Variants in MYO9A observed in about 807,000 individuals in gnomAD.
MYO9A encodes unconventional myosin-IXa.
A neutral mutation model predicts 293.3 loss-of-function variants in MYO9A; 103 were observed. The observed-to-expected ratio is 0.35, with a 90% CI of 0.30 to 0.41. The LOEUF (loss-of-function observed/expected upper bound fraction) is 0.41, where lower values mean the gene tolerates loss of function less well. Among genes scored for constraint, MYO9A ranks in the 10% least tolerant of loss-of-function variants. The pLI, the probability that MYO9A is intolerant of heterozygous loss-of-function variation, is 1.00. For missense variants in MYO9A, 2,685 were observed against 3,033.0 expected (o/e 0.89, Z 2.69); for synonymous variants, 1,001 against 1,035.7 (o/e 0.97, Z 0.64).
At chr15:71,903,732 A>G (rs2057549034) in intron 21 of MYO9A, among the ~76,000 whole-genome samples, 197 bp downstream of exon 21, 1 of 152,256 alleles carries the variant, frequency 6.6e-6, no homozygotes, top group African/African-American at 2.4e-5. Context: ...GGATTCTATT[A>G]CAATAAGCTT....
intron 1 of MYO9A, among the ~76,000 whole-genome samples, chr15:72,104,730 ATC>A (rs1007526617): frequency 1.3e-5 from 2 of 152,166 alleles, no homozygotes; most frequent in South Asian, 4.1e-4. Context: ...CATTTTCCTG[ATC>A]TCTTTCTCTT....
chr15:71,929,213 C>T (rs1299712782), intron 18 of MYO9A, among the ~76,000 whole-genome samples: 5 of 152,096 alleles, frequency 3.3e-5, no homozygotes, highest in Admixed American at 6.5e-5. Flanking sequence ...TTCTATATAA[C>T]ATTATGTTGT....
chr15:71,931,456 G>A (rs2058472725), intron 18 of MYO9A, among the ~76,000 whole-genome samples: 1 of 152,158 alleles, frequency 6.6e-6, no homozygotes, highest in South Asian at 2.1e-4. Context: ...TGAAAAATCT[G>A]ATGATAGTCT....
intron 27 of MYO9A, among the ~76,000 whole-genome samples, chr15:71,886,738 A>G (rs2057031769): frequency 6.6e-6 from 1 of 151,910 alleles, no homozygotes; most frequent in Non-Finnish European, 1.5e-5. Flanking sequence ...AGTTTTTTTG[A>G]GGGGGAGAAA....
In MYO9A at chr15:71,901,307, G is replaced by A; in HGVS notation, c.3034C>T (p.Gln1012Ter). 3.1e-6 allele frequency: 5 copies of A among 1,613,880 alleles called. No homozygotes were observed. The highest frequency in any genetic ancestry group is 4.2e-6 in the Non-Finnish European group (5 of 1,179,908). ...AGCACCTCTTGGTGAAGCAGATCTT[G>A]TAAGTGCTGTCGTTCCTGCTCCTTT... ...FLKEQERQHL[Q>*]DLLHQEVLRR... Residue 1012 changes from glutamine to a stop codon, truncating the protein, a stop_gained, in exon 23 of 42, where the codon CAA (glutamine) becomes TAA (stop). Transcript: ENST00000356056. LOFTEE classifies it high-confidence loss of function.
At chr15:71,935,315 A>G (rs1400759256) in intron 17 of MYO9A, 26 bp downstream of exon 17, 1 of 1,525,316 alleles carries the variant, frequency 6.6e-7, no homozygotes, top group Non-Finnish European at 8.8e-7. Context: ...AACAAAAAAC[A>G]ATTTACATTA....
At chr15:71,957,106 G>T (rs2059221009) in intron 14 of MYO9A, among the ~76,000 whole-genome samples, 1 of 152,024 alleles carries the variant, frequency 6.6e-6, no homozygotes, top group Non-Finnish European at 1.5e-5. Flanking sequence ...ACATACCTAG[G>T]AGCAGAATTG....
intron 4 of MYO9A, among the ~76,000 whole-genome samples, chr15:72,023,626 C>T (rs961766555): frequency 6.9e-5 from 10 of 144,816 alleles, no homozygotes; most frequent in South Asian, 2.1e-4. Context: ...ACCCAGGAGG[C>T]GAAGGTTGTA....
chr15:71,968,228 T>G lies in MYO9A; in HGVS notation c.1845-103A>C, dbSNP rs1282158357. On this transcript the variant is annotated intron_variant, in intron 12 of 41. Transcript: ENST00000356056. ...GTACATTACAATTACATTGCCATCT[T>G]ACATAGCAGTTTACAAAAGTTTTCA... 6 of 974,416 alleles carry G rather than the reference T, an allele frequency of 6.2e-6. No individual in the cohort carries two copies. The East Asian group carries it at 1.4e-4, about 22-fold the overall frequency. The allele number at this position is 974,416 out of a possible 1,614,324, so 60.4% of individuals were successfully genotyped here. A position where few individuals can be genotyped will look rare whatever the true frequency, so the allele number is the denominator to read the frequency against.
At position 71,825,984 on chromosome 15, in the gene MYO9A, GGTTTTTTTTTGTTTTTTTTTTTTT is replaced by G. The variant is rs1036481356; in HGVS notation, c.*572_*595del. 5.6e-5 allele frequency: 8 copies of G among 143,974 alleles called. No homozygotes were observed. The highest frequency in any genetic ancestry group is 1.8e-4 in the African/African-American group (7 of 38,300). The allele number at this position is 143,974 out of a possible 1,614,324, so 8.9% of individuals were successfully genotyped here. ...CTGATGGCTTAATGGAAACAATCAC[GGTTTTTTTTTGTTTTTTTTTTTTT>G]GTTTTTTTTTTTTGTTTTTGCTTTC... is the stretch of plus-strand genomic sequence containing the variant. On this transcript the variant is annotated 3_prime_UTR_variant, in exon 42 of 42. Transcript: ENST00000356056.
At chr15:71,946,871 T>C (rs1455697448) in intron 15 of MYO9A, among the ~76,000 whole-genome samples, 1 of 152,188 alleles carries the variant, frequency 6.6e-6, no homozygotes, top group African/African-American at 2.4e-5. Flanking sequence ...CCTAGTACTT[T>C]GGGAGGCCAA....
At chr15:71,853,572 T>C (rs983240607) in intron 35 of MYO9A, among the ~76,000 whole-genome samples, 2 of 152,216 alleles carry the variant, frequency 1.3e-5, no homozygotes, top group Admixed American at 6.5e-5. Context: ...TCATTTCTCA[T>C]TGATTTGTTC....
intron 16 of MYO9A, among the ~76,000 whole-genome samples, chr15:71,937,045 G>A (rs2058661981): frequency 6.7e-6 from 1 of 150,372 alleles, no homozygotes; most frequent in Admixed American, 6.6e-5. Context: ...CGAAGGGAGG[G>A]AGGGAGGGAG....
At position 72,046,314 on chromosome 15, in the gene MYO9A, G is replaced by A; in HGVS notation, c.250C>T (p.Gln84Ter). ...WILNPTDCPV[Q>*]RMMLWPRMAL... The stretch of plus-strand genomic sequence containing the variant: ...ATTCGGGGCCACAGCATCATTCGCT[G>A]AACTGGACAATCTGTTGGATTGAGA... Residue 84 changes from glutamine to a stop codon, truncating the protein, a stop_gained, in exon 2 of 42, where the codon CAG (glutamine) becomes TAG (stop). Coordinates refer to ENST00000356056, the MANE Select transcript of MYO9A (RefSeq NM_006901.4). LOFTEE classifies it high-confidence loss of function. 1 of 1,614,054 alleles carries A rather than the reference G, an allele frequency of 6.2e-7. No individual in the cohort carries two copies. The highest frequency in any genetic ancestry group is 1.3e-5 in the African/African-American group (1 of 75,036).
intron 30 of MYO9A, among the ~76,000 whole-genome samples, chr15:71,878,923 A>T (rs923296880): frequency 1.3e-5 from 2 of 151,640 alleles, no homozygotes; most frequent in African/African-American, 4.8e-5. Flanking sequence ...TACCTAGCTA[A>T]TTTTTGTATT....
chr15:72,015,931 G>A (rs1048879284), intron 6 of MYO9A, among the ~76,000 whole-genome samples: 7 of 151,628 alleles, frequency 4.6e-5, no homozygotes, highest in African/African-American at 1.2e-4. Flanking sequence ...CTCGTGATCC[G>A]CCCACCTCAG....
chr15:71,963,152 C>G (rs949141034), intron 13 of MYO9A, among the ~76,000 whole-genome samples: 1 of 151,356 alleles, frequency 6.6e-6, no homozygotes, highest in Non-Finnish European at 1.5e-5. Context: ...GGCACCATCT[C>G]AATTCACTGC....
intron 1 of MYO9A, among the ~76,000 whole-genome samples, chr15:72,083,607 A>G (rs2079619562): frequency 6.6e-6 from 1 of 152,070 alleles, no homozygotes; most frequent in Non-Finnish European, 1.5e-5. Flanking sequence ...AGGTTGTTAA[A>G]TTGAGATCTT....
At chr15:71,832,023 T>C (rs1222556079) in intron 39 of MYO9A, among the ~76,000 whole-genome samples, 1 of 152,194 alleles carries the variant, frequency 6.6e-6, no homozygotes, top group African/African-American at 2.4e-5. Flanking sequence ...ATGCCTGTAA[T>C]CCCAGCACTT....
Sources: gnomAD v4.1 joint callset for allele counts (sites outside exome capture counted in the v4.1 genomes callset) on GRCh38, gnomAD v4.1.1 for gene constraint, MANE v1.5 for transcripts, NCBI Gene and HGNC (gene_info 2026-07-23, HGNC 2026-07-21) for gene names.